The following WDR90 variants were observed in gnomAD, a reference collection of about 807,000 sequenced individuals.
WDR90 encodes WD repeat domain 90, also known as WD repeat-containing protein 90.
Under a neutral mutation model 195.2 loss-of-function variants are expected in WDR90, and 238 were observed. The observed-to-expected ratio is 1.22, with a 90% confidence interval of 1.10 to 1.36. WDR90 has a LOEUF of 1.36. Among genes scored for constraint, WDR90 ranks in the 40% most tolerant of loss-of-function variants. WDR90 has a pLI of 0.00. For synonymous variants in WDR90, 1,265 were observed against 1,052.4 expected (o/e 1.20, Z -3.91); for missense variants, 2,734 against 2,439.5 (o/e 1.12, Z -2.54).
chr16:650,979 AC>A lies in WDR90; in HGVS notation c.560-13del. 6.2e-7 allele frequency: 1 copy of A among 1,612,454 alleles called. No individual in the cohort carries two copies. The highest frequency in any genetic ancestry group is 8.5e-7 in the Non-Finnish European group (1 of 1,179,680). ...AAACAGCCTCCCTTGACCTGGAACA[AC>A]CCTGCTCCTTGTAGCCATCTCTGGG... is the stretch of plus-strand genomic sequence containing the variant. On this transcript the variant is annotated splice_polypyrimidine_tract_variant and intron_variant, in intron 5 of 40. Coordinates refer to ENST00000293879, the MANE Select transcript of WDR90 (RefSeq NM_145294.5).
At chr16:655,204 C>G (rs772076191) in intron 14 of WDR90, 57 bp downstream of exon 14, 199 of 1,612,020 alleles carry the variant, frequency 1.2e-4, no homozygotes, top group Non-Finnish European at 1.7e-4. Context: ...GAGTGGGGGC[C>G]GAGGCCCGAG....
chr16:649,599 C>G (rs2037596428), intron 1 of WDR90, 164 bp from the exon 2 acceptor site: 1 of 1,143,518 alleles, frequency 8.7e-7, no homozygotes, highest in Non-Finnish European at 1.1e-6. Flanking sequence ...CTTGGCTTCC[C>G]TCGGGCGCCC....
chr16:664,176 AAACCCC>A (rs762824806), intron 34 of WDR90, among the ~76,000 whole-genome samples: 81,943 of 151,640 alleles, frequency 0.54, 25,559 homozygotes, highest in East Asian at 0.98. Flanking sequence ...GCAGCTTTGG[AAACCCC>A]GTGCGTGCCT....
rs779170740 is a variant in WDR90, at chr16:655,579, G to A, written c.1725G>A (p.Val575=). ...CTGCCGCCTCCTCGGGCAGCTTCGT[G>A]TGCAGCCGCAGTGGCCACATCTTGG... ...CPEPSAAMLF[V]CSRSGHILEI... Residue 575 remains valine, a synonymous_variant, in exon 16 of 41, where the codon GTG becomes GTA. Coordinates refer to ENST00000293879, the MANE Select transcript of WDR90 (RefSeq NM_145294.5). 2 of 1,592,882 alleles carry A rather than the reference G, an allele frequency of 1.3e-6. No homozygotes were observed. The highest frequency in any genetic ancestry group is 1.7e-6 in the Non-Finnish European group (2 of 1,167,498).
intron 13 of WDR90, 80 bp downstream of exon 13, chr16:653,883 A>G (rs2037694349): frequency 6.5e-7 from 1 of 1,536,688 alleles, no homozygotes; most frequent in Non-Finnish European, 8.9e-7. Context: ...GTTTTCTGAA[A>G]CTCCAGCTTC....
At position 651,031 on chromosome 16, in the gene WDR90, C is replaced by T. The variant is rs1199797581; in HGVS notation, c.596C>T (p.Thr199Ile). Residue 199 changes from threonine to isoleucine, a missense_variant, in exon 6 of 41, where the codon ACT becomes ATT. Physicochemically the swap from Thr to Ile is moderately conservative, Grantham distance 89. Transcript: ENST00000293879. ...GCCCAGTGGGCAAAGCTGCCCGTGA[C>T]TCCTATGCCTCGGGAAATGGCATTC... ...SGAQWAKLPV[T>I]PMPREMAFPV... 5 of 1,613,460 alleles carry T rather than the reference C, an allele frequency of 3.1e-6. No individual in the cohort carries two copies. In the South Asian group the frequency reaches 4.4e-5, roughly 14 times the overall value.
intron 3 of WDR90, 38 bp downstream of exon 3, chr16:650,205 G>C: frequency 1.9e-6 from 3 of 1,610,184 alleles, no homozygotes; most frequent in Non-Finnish European, 2.5e-6. Context: ...TGGGAGCCCC[G>C]GCACCCCTGC....
chr16:655,577 G>T lies in WDR90; in HGVS notation c.1723G>T (p.Val575Leu), dbSNP rs749821206. Reference sequence around the variant, plus strand: ...CCCTGCCGCCTCCTCGGGCAGCTTCGTGTGCAGCCGCAGTGGCCACATCTT... The same window carrying T: ...CCCTGCCGCCTCCTCGGGCAGCTTCTTGTGCAGCCGCAGTGGCCACATCTT... ...CPEPSAAMLF[V>L]CSRSGHILEI... is the part of the protein sequence containing the mutation. The change falls in exon 16 of 41, where the codon GTG becomes TTG. Residue 575 changes from valine to leucine, a missense_variant. Coordinates refer to ENST00000293879, the MANE Select transcript of WDR90 (RefSeq NM_145294.5). The T allele has an allele frequency of 2.5e-6, 4 of 1,591,082 alleles. No individual in the cohort carries two copies. Among genetic ancestry groups the T allele is most frequent in the South Asian group, 1.1e-5 (1 of 89,106 alleles).
chr16:650,310 G>A lies in WDR90; in HGVS notation c.336G>A (p.Thr112=), dbSNP rs201366233. The change falls in exon 4 of 41, where the codon ACG becomes ACA. Residue 112 remains threonine, a synonymous_variant. Coordinates refer to ENST00000293879, the MANE Select transcript of WDR90 (RefSeq NM_145294.5). ...FSNLFKEFKS[T]ATWLQFPLVL... ...ACCTCTTCAAGGAGTTTAAGTCTAC[G>A]GCCACGTGGCTCCAGTTTCCCTTGG... 6.2e-6 allele frequency: 10 copies of A among 1,612,816 alleles called. No individual in the cohort carries two copies. Among genetic ancestry groups the A allele is most frequent in the African/African-American group, 2.7e-5 (2 of 74,930 alleles).
In WDR90 at chr16:661,464, G is replaced by A. The variant is rs762791574; in HGVS notation, c.3636G>A (p.Leu1212=). 2.1e-5 allele frequency: 34 copies of A among 1,611,188 alleles called. No homozygotes were observed. The African/African-American group carries it at 4.4e-4, about 21-fold the overall frequency. Residue 1212 remains leucine (L), a synonymous_variant, in exon 30 of 41, where the codon CTG becomes CTA. Coordinates refer to ENST00000293879, the MANE Select transcript of WDR90 (RefSeq NM_145294.5). ...IFPHSTTVLA[L]AFSPDDRLLV... is the part of the protein sequence containing the mutation. ...CCCATAGCACCACCGTGCTGGCCCTGGCCTTCTCACCAGATGACAGGCTTC... is the reference window on the plus strand; with the variant it reads ...CCCATAGCACCACCGTGCTGGCCCTAGCCTTCTCACCAGATGACAGGCTTC...
intron 10 of WDR90, among the ~76,000 whole-genome samples, chr16:652,925 A>AGCCCCATGGCAGAGGAGGT (rs2037675095): frequency 6.6e-6 from 1 of 152,106 alleles, no homozygotes; most frequent in Non-Finnish European, 1.5e-5. Context: ...CTAGGAGAGG[A>AGCCCCATGGCAGAGGAGGT]GCCCCATGGC....
chr16:658,706 G>T, intron 23 of WDR90, 53 bp downstream of exon 23: 2 of 1,588,568 alleles, frequency 1.3e-6, no homozygotes, highest in Non-Finnish European at 1.7e-6. Context: ...TCCTCAGGTG[G>T]CCCTGGAGAC....
chr16:663,808 C>T (rs974545798), intron 34 of WDR90, among the ~76,000 whole-genome samples: 23 of 152,302 alleles, frequency 1.5e-4, no homozygotes, highest in Admixed American at 4.6e-4. Context: ...GCCTCCTGGG[C>T]GGAATTGGGG....
chr16:656,011 A>G, intron 17 of WDR90, 122 bp downstream of exon 17: 1 of 1,092,502 alleles, frequency 9.2e-7, no homozygotes, highest in Non-Finnish European at 1.2e-6. Context: ...ACAGGGTGCC[A>G]CGGGGCCAAG....
Position 661,122 on chromosome 16 carries a change from T to G in WDR90, c.3463T>G (p.Ser1155Ala). The change falls in exon 29 of 41, where the codon TCC (serine) becomes GCC (alanine). Residue 1155 changes from serine to alanine, a missense_variant. Coordinates refer to ENST00000293879, the MANE Select transcript of WDR90 (RefSeq NM_145294.5). ...GCACTCTGGCGCCCAGCAGCACTGG[T>G]CCGGCCACTCTGCGGAGATCTCCAC... is the stretch of plus-strand genomic sequence containing the variant. ...DLHSGAQQHW[S>A]GHSAEISTLA... 6.4e-7 allele frequency: 1 copy of G among 1,560,532 alleles called. No individual in the cohort carries two copies. The highest frequency in any genetic ancestry group is 8.6e-7 in the Non-Finnish European group (1 of 1,161,340).
rs758962541 is a variant in WDR90, at chr16:661,713, G to A, written c.3790G>A (p.Glu1264Lys). 17 of 1,612,418 alleles carry A rather than the reference G, an allele frequency of 1.1e-5. No homozygotes were observed. The South Asian group carries it at 1.2e-4, about 11-fold the overall frequency. ...GVAFNPWDAG[E>K]LTCVGQGTVT... Reference sequence around the variant, plus strand: ...GGCCTTCAACCCCTGGGACGCCGGCGAGCTCACCTGTGTGGGCCAGGGCAC... The same window carrying A: ...GGCCTTCAACCCCTGGGACGCCGGCAAGCTCACCTGTGTGGGCCAGGGCAC... The change falls in exon 31 of 41, where the codon GAG becomes AAG. Residue 1264 changes from glutamate (E) to lysine (K), a missense_variant. Glu to Lys is a moderately conservative substitution (Grantham distance 56). Transcript: ENST00000293879.
chr16:656,262 G>T, intron 17 of WDR90, 40 bp from the exon 18 acceptor site: 1 of 1,567,526 alleles, frequency 6.4e-7, no homozygotes, highest in East Asian at 2.3e-5. Context: ...GGCTCACCCC[G>T]GGGTGGCCCT....
At chr16:651,566 GCCCTCCCCAGGCGTCA>G in intron 7 of WDR90, 62 bp from the exon 8 acceptor site, 2 of 1,422,562 alleles carry the variant, frequency 1.4e-6, no homozygotes, top group Non-Finnish European at 9.7e-7. Flanking sequence ...ACTTGCTGCT[GCCCTCCCCAGGCGTCA>G]CCCTCACCAG....
At chr16:657,633 T>G in intron 20 of WDR90, 129 bp from the exon 21 acceptor site, 2 of 1,306,886 alleles carry the variant, frequency 1.5e-6, no homozygotes, top group Non-Finnish European at 2.0e-6. Flanking sequence ...CCTCTGCCGG[T>G]GTGATGCGTC....
Sources: gnomAD v4.1 joint callset for allele counts (sites outside exome capture counted in the v4.1 genomes callset) on GRCh38, gnomAD v4.1.1 for gene constraint, MANE v1.5 for transcripts, NCBI Gene and HGNC (gene_info 2026-07-23, HGNC 2026-07-21) for gene names.